PMFBP1: variants seen among roughly 807,000 people sequenced by gnomAD.
PMFBP1 encodes polyamine modulated factor 1 binding protein 1.
A neutral mutation model predicts 137.8 loss-of-function variants in PMFBP1; 131 were observed. That is an observed-to-expected ratio of 0.95 (90% confidence interval 0.82 to 1.10). PMFBP1 has a LOEUF of 1.10. PMFBP1 is among the 50% of genes least tolerant of loss of function. The pLI is 0.00. For missense variants in PMFBP1, 1,199 were observed against 1,175.4 expected (o/e 1.02, Z -0.29); for synonymous variants, 490 against 450.4 (o/e 1.09, Z -1.11).
intron 14 of PMFBP1, 50 bp downstream of exon 14, chr16:72,128,607 G>A: frequency 6.2e-7 from 1 of 1,613,742 alleles, no homozygotes; most frequent in South Asian, 1.1e-5. Flanking sequence ...TTCAGGTCAA[G>A]GGTCACAGGG....
At chr16:72,241,061 G>A in the PMFBP1 span, among the ~76,000 whole-genome samples, 2 of 152,090 alleles carry the variant, frequency 1.3e-5, no homozygotes, top group Non-Finnish European at 2.9e-5. Flanking sequence ...CATAACTTAT[G>A]TTAAAGAAGA....
Position 72,124,753 on chromosome 16 carries a change from C to T in PMFBP1, c.2589+14G>A, listed in dbSNP as rs201664790. The T allele has an allele frequency of 6.2e-7, 1 of 1,610,804 alleles. No individual in the cohort carries two copies. The highest frequency in any genetic ancestry group is 8.5e-7 in the Non-Finnish European group (1 of 1,177,932). On this transcript the variant is annotated intron_variant, in intron 17 of 20. Coordinates refer to ENST00000237353, the MANE Select transcript of PMFBP1 (RefSeq NM_031293.3). ...GCACTGAGAGGAGGCACGCAGAAGC[C>T]AAGGCATGCCCACCTCCTTATCGTC...
At chr16:72,247,925 G>A in the PMFBP1 span, among the ~76,000 whole-genome samples, 2 of 152,154 alleles carry the variant, frequency 1.3e-5, no homozygotes, top group East Asian at 1.9e-4. Flanking sequence ...ATGAATATTA[G>A]TTAGAAATTT....
chr16:72,128,238 G>A, intron 14 of PMFBP1: 1 of 525,770 alleles, frequency 1.9e-6, no homozygotes, highest in Non-Finnish European at 2.9e-6. Context: ...GCATATGTCA[G>A]ATGCTATTTA....
intron 3 of PMFBP1, among the ~76,000 whole-genome samples, chr16:72,160,964 T>C (rs1486634461): frequency 6.6e-6 from 1 of 152,192 alleles, no homozygotes; most frequent in Non-Finnish European, 1.5e-5. Flanking sequence ...GCAGCAACCA[T>C]TAGCACAGAT....
At chr16:72,179,009 G>A (rs900867984), upstream of PMFBP1, among the ~76,000 whole-genome samples, 4 of 152,134 alleles carry the variant, frequency 2.6e-5, no homozygotes, top group Admixed American at 6.5e-5. Context: ...GTTGCCCTGG[G>A]CTGGCACTAT....
chr16:72,213,778 T>C, the PMFBP1 span, among the ~76,000 whole-genome samples: 7 of 152,212 alleles, frequency 4.6e-5, no homozygotes, highest in Non-Finnish European at 7.3e-5. Flanking sequence ...ACTGATATGA[T>C]GGAATCTTTT....
the PMFBP1 span, among the ~76,000 whole-genome samples, chr16:72,227,551 A>G: frequency 6.6e-6 from 1 of 152,182 alleles, no homozygotes; most frequent in Admixed American, 6.6e-5. Context: ...AAAAATTGAC[A>G]TTATTCTATT....
At chr16:72,123,760 C>T (rs891433226) in intron 17 of PMFBP1, 111 bp from the exon 18 acceptor site, 2 of 938,768 alleles carry the variant, frequency 2.1e-6, no homozygotes, top group African/African-American at 1.7e-5. Context: ...CTTGACTCTG[C>T]TGTCCAACCC....
At chr16:72,202,572 C>A in the PMFBP1 span, among the ~76,000 whole-genome samples, 47 of 152,322 alleles carry the variant, frequency 3.1e-4, no homozygotes, top group African/African-American at 1.1e-3. Flanking sequence ...GTAGTGTGGT[C>A]TCTGCTGACA....
chr16:72,178,586 T>C (rs2043266175), upstream of PMFBP1, among the ~76,000 whole-genome samples: 1 of 152,236 alleles, frequency 6.6e-6, no homozygotes. Flanking sequence ...TACATCACTA[T>C]GAACTCATGG....
At chr16:72,227,611 C>T in the PMFBP1 span, among the ~76,000 whole-genome samples, 3 of 152,014 alleles carry the variant, frequency 2.0e-5, no homozygotes, top group Non-Finnish European at 4.4e-5. Flanking sequence ...TTCAAAGGGC[C>T]GTATAACATT....
At chr16:72,244,035 G>C in the PMFBP1 span, among the ~76,000 whole-genome samples, 2 of 152,148 alleles carry the variant, frequency 1.3e-5, no homozygotes, top group Non-Finnish European at 2.9e-5. Context: ...GAAATTCTGA[G>C]ACTGTCTAGA....
rs972185411 is a variant in PMFBP1, at chr16:72,131,799, C to A, written c.1447+949G>T. Among the ~76,000 whole-genome samples, 11 of 152,308 alleles carry A rather than the reference C, an allele frequency of 7.2e-5. No homozygotes were observed. The East Asian group carries it at 1.9e-3, about 27-fold the overall frequency. On this transcript the variant is annotated intron_variant, in intron 10 of 20. Coordinates refer to ENST00000237353, the MANE Select transcript of PMFBP1 (RefSeq NM_031293.3). ...GTGAGGAAGGAAGCCAAGCTTGGAT[C>A]TTATCTTATAAATTGATAAGTAATT... is the stretch of plus-strand genomic sequence containing the variant.
At chr16:72,132,723 G>A (rs1305052149) in intron 10 of PMFBP1, 25 bp downstream of exon 10, 15 of 1,613,694 alleles carry the variant, frequency 9.3e-6, no homozygotes, top group Non-Finnish European at 1.3e-5. Context: ...AAAGTGTGGT[G>A]GGACAGCACC....
chr16:72,150,926 G>T, intron 4 of PMFBP1, 97 bp from the exon 5 acceptor site: 3 of 1,002,680 alleles, frequency 3.0e-6, no homozygotes, highest in Non-Finnish European at 4.7e-6. Flanking sequence ...TCTTGTATCT[G>T]AACCAGAAGA....
Position 72,150,743 on chromosome 16 carries a change from G to A in PMFBP1, c.501C>T (p.Ala167=), listed in dbSNP as rs36111057. The change falls in exon 5 of 21, where the codon GCC becomes GCT. Residue 167 remains alanine, a synonymous_variant. Coordinates refer to ENST00000237353, the MANE Select transcript of PMFBP1 (RefSeq NM_031293.3). ...TCTCTAGAGAGGCGATCTTGTCCCC[G>A]GCCAAGGCGAGTTGCTCCTGCGCCA... ...LHLAQEQLAL[A]GDKIASLERS... is the part of the protein sequence containing the mutation. The A allele has an allele frequency of 6.2e-5, 100 of 1,614,136 alleles. No individual in the cohort carries two copies. In the Middle Eastern group the frequency reaches 8.3e-4, roughly 13 times the overall value.
the PMFBP1 span, among the ~76,000 whole-genome samples, chr16:72,216,999 G>A: frequency 1.3e-5 from 2 of 152,212 alleles, no homozygotes; most frequent in Admixed American, 6.5e-5. Flanking sequence ...CGGACTCTGA[G>A]CTGGAATGAA....
the PMFBP1 span, among the ~76,000 whole-genome samples, chr16:72,213,199 G>C: frequency 6.6e-6 from 1 of 150,622 alleles, no homozygotes; most frequent in Admixed American, 6.6e-5. Flanking sequence ...CAAGAGCCCG[G>C]GGGGGGGTGG....
Sources: gnomAD v4.1 joint callset for allele counts (sites outside exome capture counted in the v4.1 genomes callset) on GRCh38, gnomAD v4.1.1 for gene constraint, MANE v1.5 for transcripts, NCBI Gene and HGNC (gene_info 2026-07-23, HGNC 2026-07-21) for gene names.